Variants in TFEC observed in about 807,000 individuals in gnomAD.
TFEC encodes the protein transcription factor EC.
TFEC carries 31 observed loss-of-function variants against 41.6 expected under a neutral mutation model. The observed-to-expected ratio is 0.74, with a 90% CI of 0.56 to 1.01. TFEC has a LOEUF of 1.01. TFEC is among the 50% of genes least tolerant of loss of function. The pLI, the probability that TFEC is intolerant of heterozygous loss-of-function variation, is 0.00. For missense variants in TFEC, 402 were observed against 404.1 expected (o/e 0.99, Z 0.04); for synonymous variants, 143 against 140.6 (o/e 1.02, Z -0.12).
Position 116,151,238 on chromosome 7 carries a change from A to ATT in TFEC, c.-69+8550_-69+8551dup, listed in dbSNP as rs5886809. 5.2e-3 allele frequency among the ~76,000 whole-genome samples: 623 copies of ATT among 120,112 alleles called. 10 individuals are homozygous for ATT. The highest frequency in any genetic ancestry group is 0.017 in the African/African-American group (501 of 29,028). 78.8% of individuals were successfully genotyped at this position (120,112 alleles called of 152,430 possible). On this transcript the variant is annotated intron_variant, in intron 1 of 8. Coordinates refer to the TFEC transcript ENST00000484212. ...AATATTTCCTTTGATATTATGTCAG[A>ATT]TTTTTTTTTTTTTTTTTTTTTTGAG... is the stretch of plus-strand genomic sequence containing the variant.
At chr7:116,018,816 A>G (rs1357801270) in intron 1 of TFEC, among the ~76,000 whole-genome samples, 2 of 152,164 alleles carry the variant, frequency 1.3e-5, no homozygotes. Context: ...TGGATAAGGT[A>G]GAGGCCCCAA....
At chr7:116,021,961 C>A (rs1235040692) in intron 1 of TFEC, among the ~76,000 whole-genome samples, 1 of 152,152 alleles carries the variant, frequency 6.6e-6, no homozygotes, top group African/African-American at 2.4e-5. Context: ...GGGCTCCCCC[C>A]AGAGTTGGTC....
chr7:115,999,829 TAATAAGTCTCC>T, intron 1 of TFEC, among the ~76,000 whole-genome samples: 1 of 108,980 alleles, frequency 9.2e-6, no homozygotes, highest in Admixed American at 1.1e-4. Flanking sequence ...ATCAAAGCCA[TAATAAGTCTCC>T]TAGCAAAAAA....
chr7:116,137,968 T>A (rs1798466484), intron 1 of TFEC, among the ~76,000 whole-genome samples: 1 of 152,046 alleles, frequency 6.6e-6, no homozygotes, highest in Admixed American at 6.6e-5. Context: ...ATTCTAGATT[T>A]CCAAACCAGA....
Position 115,944,013 on chromosome 7 carries a change from A to ATTTTTTTTTTTTTTTTTTTTTTTTTTT in TFEC, c.516-2000_516-1974dup, listed in dbSNP as rs1160114562. Among the ~76,000 whole-genome samples, 32 of 22,840 alleles carry ATTTTTTTTTTTTTTTTTTTTTTTTTTT rather than the reference A, an allele frequency of 1.4e-3. 9 individuals are homozygous for ATTTTTTTTTTTTTTTTTTTTTTTTTTT. The highest frequency in any genetic ancestry group is 2.6e-3 in the Non-Finnish European group (25 of 9,652). 15.0% of individuals were successfully genotyped at this position (22,840 alleles called of 152,430 possible). A position where few individuals can be genotyped will look rare whatever the true frequency, so the allele number is the denominator to read the frequency against. ...GAAAATAATACTATGACAGGTCTGA[A>ATTTTTTTTTTTTTTTTTTTTTTTTTTT]TTTTTTTTTTTTTTTTTTTTTTTTT... On this transcript the variant is annotated intron_variant, in intron 6 of 7. Coordinates refer to ENST00000265440, the MANE Select transcript of TFEC (RefSeq NM_012252.4).
chr7:116,087,298 T>C (rs2131076574), intron 3 of TFEC, among the ~76,000 whole-genome samples: 1 of 152,134 alleles, frequency 6.6e-6, no homozygotes, highest in South Asian at 2.1e-4. Context: ...CTTTGTCTTC[T>C]AAGGGACTGT....
At position 116,105,343 on chromosome 7, in the gene TFEC, T is replaced by A. The variant is rs1363916018; in HGVS notation, c.198+5365A>T. On this transcript the variant is annotated intron_variant, in intron 3 of 8. Coordinates refer to the TFEC transcript ENST00000484212. ...CTGCTTTAATAAAAGTAAATGTTAA[T>A]AACCTACAAATATTTTTCTCCAGTT... Among the ~76,000 whole-genome samples, 2 of 152,180 alleles carry A rather than the reference T, an allele frequency of 1.3e-5. 1 individual carries two copies. The highest frequency in any genetic ancestry group is 1.3e-4 in the Admixed American group (2 of 15,266).
intron 3 of TFEC, among the ~76,000 whole-genome samples, chr7:115,960,524 A>G (rs1792484730): frequency 6.6e-6 from 1 of 151,692 alleles, no homozygotes; most frequent in African/African-American, 2.4e-5. Context: ...AGATTGAGTG[A>G]AACACATAAC....
intron 1 of TFEC, among the ~76,000 whole-genome samples, chr7:116,121,709 TTAA>T (rs1325257235): frequency 2.0e-5 from 3 of 152,040 alleles, no homozygotes; most frequent in African/African-American, 4.8e-5. Context: ...TGCCAAATGA[TTAA>T]TATTATGTGA....
At chr7:116,131,561 G>A (rs566032326) in intron 1 of TFEC, among the ~76,000 whole-genome samples, 2 of 151,968 alleles carry the variant, frequency 1.3e-5, no homozygotes, top group Non-Finnish European at 2.9e-5. Context: ...TGAACTAACT[G>A]CATACAAAAT....
At chr7:115,973,642 G>T (rs1349457205) in intron 3 of TFEC, among the ~76,000 whole-genome samples, 1 of 151,970 alleles carries the variant, frequency 6.6e-6, no homozygotes, top group Non-Finnish European at 1.5e-5. Flanking sequence ...CAACATAGAA[G>T]TCTTTCTACA....
intron 6 of TFEC, among the ~76,000 whole-genome samples, chr7:115,947,582 T>C (rs925855710): frequency 5.9e-5 from 9 of 151,506 alleles, no homozygotes; most frequent in Non-Finnish European, 1.2e-4. Context: ...CCAGCACCTG[T>C]TGTTTCCTGA....
Position 116,065,873 on chromosome 7 carries a change from T to C in TFEC, c.198+44835A>G, listed in dbSNP as rs138593261. On this transcript the variant is annotated intron_variant, in intron 3 of 8. Coordinates refer to the TFEC transcript ENST00000484212. Reference sequence around the variant, plus strand: ...CATCAGATTGCCCTCTGCAGCAGAATTGAAACATAGTAGATCTCACTGGAG... The same window carrying C: ...CATCAGATTGCCCTCTGCAGCAGAACTGAAACATAGTAGATCTCACTGGAG... Among the ~76,000 whole-genome samples the C allele has an allele frequency of 4.3e-4, 66 of 152,250 alleles. No individual in the cohort carries two copies. The East Asian group carries it at 8.9e-3, about 20-fold the overall frequency.
At chr7:115,969,236 A>G (rs1246103884) in intron 3 of TFEC, among the ~76,000 whole-genome samples, 2 of 151,890 alleles carry the variant, frequency 1.3e-5, no homozygotes, top group African/African-American at 4.8e-5. Context: ...ACAGCAGTAA[A>G]TGAGACATAC....
chr7:115,951,182 C>A (rs1012052268), intron 5 of TFEC, among the ~76,000 whole-genome samples: 1 of 151,994 alleles, frequency 6.6e-6, no homozygotes, highest in Non-Finnish European at 1.5e-5. Flanking sequence ...TGTCACAAAA[C>A]ATTTTTAAAA....
At chr7:116,027,004 G>A (rs1307452995) in intron 1 of TFEC, among the ~76,000 whole-genome samples, 1 of 152,170 alleles carries the variant, frequency 6.6e-6, no homozygotes. Context: ...TTTAAAGGCT[G>A]GGGGTGAAAA....
intron 3 of TFEC, among the ~76,000 whole-genome samples, chr7:116,083,641 C>T (rs1301812273): frequency 1.3e-5 from 2 of 151,940 alleles, no homozygotes; most frequent in African/African-American, 2.4e-5. Flanking sequence ...TAAACCTTCT[C>T]ACCATGGTCT....
At chr7:116,039,231 G>A (rs1048232027) in intron 3 of TFEC, among the ~76,000 whole-genome samples, 1 of 151,898 alleles carries the variant, frequency 6.6e-6, no homozygotes, top group Non-Finnish European at 1.5e-5. Flanking sequence ...TGTCATATAA[G>A]AAATAAATTC....
chr7:115,982,781 CAT>C (rs1246861429), intron 2 of TFEC, among the ~76,000 whole-genome samples: 1 of 152,112 alleles, frequency 6.6e-6, no homozygotes, highest in African/African-American at 2.4e-5. Flanking sequence ...CCACTAAAAA[CAT>C]GTGAATTTTC....
Sources: allele counts gnomAD v4.1 joint callset (sites outside exome capture counted in the v4.1 genomes callset), GRCh38; gene constraint gnomAD v4.1.1; transcripts MANE v1.5; gene names NCBI Gene and HGNC (gene_info 2026-07-23, HGNC 2026-07-21).